The following PRKAG2 variants were observed in gnomAD, a reference collection of about 807,000 sequenced individuals.
PRKAG2 encodes the protein protein kinase AMP-activated non-catalytic subunit gamma 2.
Under a neutral mutation model 69.6 loss-of-function variants are expected in PRKAG2, and 26 were observed. The observed-to-expected ratio is 0.37, with a 90% confidence interval of 0.27 to 0.52. The LOEUF (loss-of-function observed/expected upper bound fraction) is 0.52. Among genes scored for constraint, PRKAG2 ranks in the 20% least tolerant of loss-of-function variants. The pLI is 0.90. For synonymous variants in PRKAG2, 293 were observed against 285.0 expected, an observed-to-expected ratio of 1.03 and a Z score of -0.28; for missense variants, 557 against 740.0, an observed-to-expected ratio of 0.75 and a Z score of 2.87.
intron 3 of PRKAG2, among the ~76,000 whole-genome samples, chr7:151,769,546 G>A (rs532994238): frequency 6.6e-6 from 1 of 152,352 alleles, no homozygotes; most frequent in Non-Finnish European, 1.5e-5. Context: ...AGCTAGGAGG[G>A]AGGCCTGGAA....
chr7:151,697,063 C>G (rs536641106), intron 3 of PRKAG2, among the ~76,000 whole-genome samples: 2 of 152,020 alleles, frequency 1.3e-5, no homozygotes, highest in South Asian at 4.2e-4. Context: ...GATGGAGGCG[C>G]CTGGCATGGG....
intron 4 of PRKAG2, among the ~76,000 whole-genome samples, chr7:151,647,862 C>T (rs1010716138): frequency 6.6e-5 from 10 of 152,102 alleles, no homozygotes; most frequent in Non-Finnish European, 1.2e-4. Context: ...ACATTGAAGA[C>T]GTCTTTACAA....
intron 1 of PRKAG2, among the ~76,000 whole-genome samples, chr7:151,824,048 C>T (rs2078854304): frequency 6.6e-6 from 1 of 152,096 alleles, no homozygotes; most frequent in Non-Finnish European, 1.5e-5. Flanking sequence ...GAGGCAGAAC[C>T]CAAGGAACCT....
chr7:151,603,120 C>G (rs6961114), intron 5 of PRKAG2, among the ~76,000 whole-genome samples: 52 of 138,042 alleles, frequency 3.8e-4, no homozygotes, highest in South Asian at 1.2e-3. Flanking sequence ...CACACGGAGG[C>G]ACACGCTCCA....
intron 3 of PRKAG2, among the ~76,000 whole-genome samples, chr7:151,675,985 G>C (rs534666755): frequency 1.3e-5 from 2 of 152,196 alleles, no homozygotes; most frequent in Admixed American, 1.3e-4. Context: ...CTCGGTTGTG[G>C]GCAGCATCCC....
At chr7:151,557,569 T>A in intron 15 of PRKAG2, 1 of 985,242 alleles carries the variant, frequency 1.0e-6, no homozygotes, top group African/African-American at 1.7e-5. Flanking sequence ...CTTACAAATA[T>A]GTATTAAAAA....
At chr7:151,665,928 T>C (rs1830986426) in intron 4 of PRKAG2, among the ~76,000 whole-genome samples, 1 of 152,202 alleles carries the variant, frequency 6.6e-6, no homozygotes, top group African/African-American at 2.4e-5. Context: ...GAAAGACTGG[T>C]CAGTGATCTT....
intron 4 of PRKAG2, among the ~76,000 whole-genome samples, chr7:151,644,260 A>T (rs1300503123): frequency 1.3e-5 from 2 of 152,204 alleles, no homozygotes; most frequent in Non-Finnish European, 2.9e-5. Context: ...TTTAAAAAGT[A>T]AATAAATGTT....
intron 3 of PRKAG2, among the ~76,000 whole-genome samples, chr7:151,681,088 G>A (rs1486928227): frequency 1.3e-5 from 2 of 152,156 alleles, no homozygotes; most frequent in Non-Finnish European, 2.9e-5. Flanking sequence ...AAACCACGGT[G>A]TCCGCTCCTC....
intron 1 of PRKAG2, among the ~76,000 whole-genome samples, chr7:151,812,466 G>C (rs1169210691): frequency 2.0e-5 from 3 of 152,214 alleles, no homozygotes; most frequent in Non-Finnish European, 4.4e-5. Context: ...GCTGAAAGAA[G>C]AACACAAAAT....
intron 6 of PRKAG2, among the ~76,000 whole-genome samples, chr7:151,591,429 C>T (rs1176254734): frequency 6.6e-6 from 1 of 152,320 alleles, no homozygotes; most frequent in Admixed American, 6.5e-5. Flanking sequence ...CAGGAAGTAG[C>T]AGAGCTCTAG....
intron 15 of PRKAG2, chr7:151,560,240 GA>G: frequency 7.7e-7 from 1 of 1,296,644 alleles, no homozygotes; most frequent in Non-Finnish European, 9.9e-7. Flanking sequence ...CTTTTCAGTG[GA>G]AAAGGTTATG....
chr7:151,623,460 G>A (rs1822045822), intron 5 of PRKAG2, among the ~76,000 whole-genome samples: 1 of 146,730 alleles, frequency 6.8e-6, no homozygotes, highest in Non-Finnish European at 1.5e-5. Flanking sequence ...GCTCCTATGA[G>A]AATCTAATGC....
At chr7:151,687,576 G>A (rs1326250915) in intron 3 of PRKAG2, among the ~76,000 whole-genome samples, 5 of 152,240 alleles carry the variant, frequency 3.3e-5, no homozygotes, top group Non-Finnish European at 5.9e-5. Context: ...GGGCCAGCAT[G>A]AGAATCATAG....
chr7:151,751,512 T>G (rs897364750), intron 3 of PRKAG2, among the ~76,000 whole-genome samples: 2 of 151,576 alleles, frequency 1.3e-5, no homozygotes, highest in African/African-American at 4.9e-5. Context: ...TATTTATTTA[T>G]TTATTTATTT....
Position 151,632,570 on chromosome 7 carries a change from C to G in PRKAG2, c.685-432G>C. 1 of 984,928 alleles carries G rather than the reference C, an allele frequency of 1.0e-6. No individual in the cohort carries two copies. Among genetic ancestry groups the G allele is most frequent in the Non-Finnish European group, 1.2e-6 (1 of 829,732 alleles). 61.0% of individuals were successfully genotyped at this position (984,928 alleles called of 1,614,324 possible). A position where few individuals can be genotyped will look rare whatever the true frequency, so the allele number is the denominator to read the frequency against. ...CCACTCCGCCCCCCGGCGCCGCTCA[C>G]CTTCCCAGCACCGGCGGCCGCGCTC... On this transcript the variant is annotated intron_variant, in intron 4 of 15. Coordinates refer to ENST00000287878, the MANE Select transcript of PRKAG2 (RefSeq NM_016203.4). This position sits in a 1 kb window ranked among gnomAD's most constrained non-coding sequence, Gnocchi z 4.2.
intron 3 of PRKAG2, among the ~76,000 whole-genome samples, chr7:151,687,954 A>G (rs903980575): frequency 2.1e-5 from 3 of 144,226 alleles, no homozygotes; most frequent in Non-Finnish European, 4.6e-5. Context: ...CCAAGGGTGT[A>G]TAGGGTGGAG....
intron 5 of PRKAG2, among the ~76,000 whole-genome samples, chr7:151,626,145 C>T (rs1822844614): frequency 6.6e-6 from 1 of 152,176 alleles, no homozygotes. Flanking sequence ...TGATGACTTT[C>T]CAGCTGGTTC....
intron 4 of PRKAG2, among the ~76,000 whole-genome samples, chr7:151,674,482 G>A (rs761116415): frequency 6.6e-5 from 10 of 152,144 alleles, no homozygotes; most frequent in Non-Finnish European, 1.0e-4. Flanking sequence ...TCACAGTGTC[G>A]CTGGGCACGG....
Sources: gnomAD v4.1 joint callset for allele counts (sites outside exome capture counted in the v4.1 genomes callset) on GRCh38, gnomAD v4.1.1 for gene constraint, Gnocchi (gnomAD v3.1) non-coding constraint, MANE v1.5 for transcripts, NCBI Gene and HGNC (gene_info 2026-07-23, HGNC 2026-07-21) for gene names.